KHDRBS2: variants seen among roughly 807,000 people sequenced by gnomAD.
KHDRBS2 encodes the protein KH RNA binding domain containing, signal transduction associated 2.
Under a neutral mutation model 44.3 loss-of-function variants are expected in KHDRBS2, and 26 were observed. The ratio of observed to expected loss-of-function variants is 0.59; its 90% confidence interval spans 0.43 to 0.81. The LOEUF (loss-of-function observed/expected upper bound fraction) is 0.81. Among genes scored for constraint, KHDRBS2 ranks in the 40% least tolerant of loss-of-function variants. KHDRBS2 has a pLI of 0.00. For synonymous variants in KHDRBS2, 194 were observed against 151.1 expected (o/e 1.28, Z -2.08); for missense variants, 476 against 433.1 (o/e 1.10, Z -0.88).
intron 2 of KHDRBS2, among the ~76,000 whole-genome samples, chr6:62,048,325 A>C (rs1292281463): frequency 6.6e-6 from 1 of 151,912 alleles, no homozygotes; most frequent in African/African-American, 2.4e-5. Flanking sequence ...TGGTTTACAG[A>C]ATTTCTAAAG....
At chr6:61,859,724 A>C (rs1344945091) in intron 6 of KHDRBS2, among the ~76,000 whole-genome samples, 2 of 151,990 alleles carry the variant, frequency 1.3e-5, no homozygotes, top group African/African-American at 4.8e-5. Flanking sequence ...TAAACATGCA[A>C]GTGTGCGTAT....
At chr6:61,961,454 G>T (rs1370517673) in intron 4 of KHDRBS2, among the ~76,000 whole-genome samples, 2 of 151,938 alleles carry the variant, frequency 1.3e-5, no homozygotes, top group African/African-American at 4.8e-5. Context: ...GAGAAAAAAA[G>T]AGATGGAGGA....
intron 2 of KHDRBS2, among the ~76,000 whole-genome samples, chr6:62,132,867 T>C (rs1283703842): frequency 6.6e-6 from 1 of 152,178 alleles, no homozygotes; most frequent in African/African-American, 2.4e-5. Context: ...CAGATCCAAA[T>C]AGTTTTAAAT....
intron 4 of KHDRBS2, among the ~76,000 whole-genome samples, chr6:61,945,111 A>ATATATGT (rs1242129681): frequency 0.07 from 2,638 of 37,674 alleles, 316 homozygotes; most frequent in Non-Finnish European, 0.076. Flanking sequence ...AAAAAAAAAA[A>ATATATGT]AGTATATATA....
Position 62,140,407 on chromosome 6 carries a change from G to A in KHDRBS2, c.219+36778C>T, listed in dbSNP as rs542702887. Among the ~76,000 whole-genome samples the A allele has an allele frequency of 7.2e-5, 11 of 152,206 alleles. 1 individual carries two copies. In the South Asian group the frequency reaches 1.0e-3, roughly 14 times the overall value. ...CAGCTAAATAGAGGATGCATTTGTCGGGGCAAGACTAGAGGCAGGGACAGT... is the reference window on the plus strand; with the variant it reads ...CAGCTAAATAGAGGATGCATTTGTCAGGGCAAGACTAGAGGCAGGGACAGT... On this transcript the variant is annotated intron_variant, in intron 2 of 8. Coordinates refer to ENST00000281156, the MANE Select transcript of KHDRBS2 (RefSeq NM_152688.4).
chr6:62,108,141 A>G (rs1400472090), intron 2 of KHDRBS2, among the ~76,000 whole-genome samples: 1 of 152,156 alleles, frequency 6.6e-6, no homozygotes, highest in East Asian at 1.9e-4. Context: ...AGAAACTACC[A>G]TCAGAGTGAA....
the KHDRBS2 span, among the ~76,000 whole-genome samples, chr6:61,639,272 G>A: frequency 1.3e-5 from 2 of 151,924 alleles, no homozygotes; most frequent in Non-Finnish European, 2.9e-5. Flanking sequence ...TCAATATCCT[G>A]CCAAAGCTGT....
intron 4 of KHDRBS2, among the ~76,000 whole-genome samples, chr6:61,964,136 G>GA (rs1364612098): frequency 2.0e-5 from 3 of 151,948 alleles, no homozygotes; most frequent in Admixed American, 6.6e-5. Flanking sequence ...TTCACTTACA[G>GA]AAAAAAATCG....
chr6:61,869,677 G>A (rs1798311445), intron 6 of KHDRBS2, among the ~76,000 whole-genome samples: 1 of 152,124 alleles, frequency 6.6e-6, no homozygotes, highest in South Asian at 2.1e-4. Context: ...TCATCTCATT[G>A]GGCTAGACAG....
At chr6:61,742,871 C>T (rs530528643) in intron 6 of KHDRBS2, among the ~76,000 whole-genome samples, 10 of 152,100 alleles carry the variant, frequency 6.6e-5, no homozygotes, top group Non-Finnish European at 1.5e-4. Context: ...ACCTTCCTTT[C>T]CTATGTAGAT....
intron 1 of KHDRBS2, among the ~76,000 whole-genome samples, chr6:62,256,831 A>G (rs1837466282): frequency 6.6e-6 from 1 of 152,084 alleles, no homozygotes; most frequent in African/African-American, 2.4e-5. Context: ...TTGGATCCAT[A>G]TAAACCGTGT....
chr6:62,166,860 G>A (rs1174528191), intron 2 of KHDRBS2, among the ~76,000 whole-genome samples: 1 of 151,982 alleles, frequency 6.6e-6, no homozygotes, highest in Non-Finnish European at 1.5e-5. Flanking sequence ...AGATCCATCC[G>A]TGAGCTAATG....
intron 4 of KHDRBS2, among the ~76,000 whole-genome samples, chr6:61,972,620 C>G (rs561021132): frequency 5.3e-5 from 8 of 152,298 alleles, no homozygotes; most frequent in African/African-American, 1.7e-4. Flanking sequence ...GGAATGAAAT[C>G]TGGATTATGG....
At chr6:61,623,498 C>T in the KHDRBS2 span, among the ~76,000 whole-genome samples, 1 of 152,124 alleles carries the variant, frequency 6.6e-6, no homozygotes, top group Middle Eastern at 3.2e-3. Flanking sequence ...ATACTGTTGT[C>T]CATGGAGTAA....
At chr6:62,242,987 C>A (rs1834942146) in intron 1 of KHDRBS2, among the ~76,000 whole-genome samples, 1 of 152,072 alleles carries the variant, frequency 6.6e-6, no homozygotes, top group East Asian at 1.9e-4. Flanking sequence ...TCATTTTTTG[C>A]AGAAACACTT....
chr6:61,625,320 G>T, the KHDRBS2 span, among the ~76,000 whole-genome samples: 1 of 149,828 alleles, frequency 6.7e-6, no homozygotes, highest in Non-Finnish European at 1.5e-5. Context: ...AGGGAGAGTG[G>T]CCCACAGGAA....
the KHDRBS2 span, among the ~76,000 whole-genome samples, chr6:61,588,211 T>G: frequency 2.7e-4 from 41 of 151,978 alleles, no homozygotes; most frequent in African/African-American, 9.9e-4. Context: ...GTTCACTTTG[T>G]AAATTTATAA....
the KHDRBS2 span, among the ~76,000 whole-genome samples, chr6:61,567,882 C>A: frequency 6.6e-6 from 1 of 152,002 alleles, no homozygotes; most frequent in African/African-American, 2.4e-5. Flanking sequence ...GGTGATCTAG[C>A]TGTGATCGCC....
chr6:61,869,753 G>T (rs1798335596), intron 6 of KHDRBS2, among the ~76,000 whole-genome samples: 2 of 152,058 alleles, frequency 1.3e-5, no homozygotes, highest in Non-Finnish European at 1.5e-5. Flanking sequence ...GAAGCATAAG[G>T]GATTGGGGAA....
Sources: gnomAD v4.1 joint callset for allele counts (sites outside exome capture counted in the v4.1 genomes callset) on GRCh38, gnomAD v4.1.1 for gene constraint, MANE v1.5 for transcripts, NCBI Gene and HGNC (gene_info 2026-07-23, HGNC 2026-07-21) for gene names.